POGLUT1: variants seen among roughly 807,000 people sequenced by gnomAD.
POGLUT1 encodes protein O-glucosyltransferase 1.
In POGLUT1, 32 loss-of-function variants were observed where a neutral mutation model predicts 61.3. The ratio of observed to expected loss-of-function variants is 0.52; its 90% CI spans 0.39 to 0.70. POGLUT1 has a LOEUF of 0.70. Among genes scored for constraint, POGLUT1 ranks in the 30% least tolerant of loss-of-function variants. POGLUT1 has a pLI of 0.00. For missense variants in POGLUT1, 411 were observed against 469.8 expected, an observed-to-expected ratio of 0.87 and a Z score of 1.16; for synonymous variants, 158 against 158.2, an observed-to-expected ratio of 1.00 and a Z score of 0.01.
At chr3:119,490,818 C>A in intron 9 of POGLUT1, 100 bp downstream of exon 9, 1 of 1,017,842 alleles carries the variant, frequency 9.8e-7, no homozygotes, top group Non-Finnish European at 1.4e-6. Context: ...GACATTTAGT[C>A]CTACGATTTT....
At chr3:119,488,066 GAA>G (rs775339379) in intron 7 of POGLUT1, 4 of 152,188 alleles carry the variant, frequency 2.6e-5, no homozygotes, top group Non-Finnish European at 4.4e-5. Context: ...ATGCTATGAG[GAA>G]AAGCTTTAGA....
At chr3:119,479,804 TG>T (rs1340647773) in intron 4 of POGLUT1, 6 of 752,092 alleles carry the variant, frequency 8.0e-6, no homozygotes, top group African/African-American at 1.8e-5. Context: ...AAACAGAATT[TG>T]GGGGAACTGA....
chr3:119,485,279 A>G (rs1240192343), intron 5 of POGLUT1, 49 bp from the exon 6 acceptor site: 3 of 1,121,212 alleles, frequency 2.7e-6, no homozygotes, highest in East Asian at 2.4e-5. Context: ...GCACATTCTT[A>G]TATAGTTGAA....
intron 8 of POGLUT1, 81 bp downstream of exon 8, chr3:119,489,068 TA>T: frequency 2.7e-6 from 2 of 739,020 alleles, no homozygotes; most frequent in Non-Finnish European, 4.7e-6. Context: ...AACTTTAATA[TA>T]AAGGCCCAGC....
intron 3 of POGLUT1, among the ~76,000 whole-genome samples, chr3:119,474,753 C>A (rs920610605): frequency 6.6e-6 from 1 of 152,078 alleles, no homozygotes; most frequent in Non-Finnish European, 1.5e-5. Context: ...GCAGGAAAAT[C>A]GCTTGAACCC....
Position 119,486,835 on chromosome 3 carries a change from C to G in POGLUT1, c.641C>G (p.Thr214Arg). The G allele has an allele frequency of 2.5e-6, 4 of 1,605,548 alleles. No homozygotes were observed. Among genetic ancestry groups the G allele is most frequent in the Non-Finnish European group, 3.4e-6 (4 of 1,172,188 alleles). The change falls in exon 7 of 11, where the codon ACA becomes AGA. Residue 214 changes from threonine to arginine, a missense_variant and splice_region_variant. Transcript: ENST00000295588. Reference protein sequence around the residue: ...NSTAYFRGSRTSPERDPLILL... With the variant: ...NSTAYFRGSRRSPERDPLILL... ...TATGTCACGTGTTTCTTTTATAGGACAAGTCCAGAACGAGATCCTCTCATT... is the reference window on the plus strand; with the variant it reads ...TATGTCACGTGTTTCTTTTATAGGAGAAGTCCAGAACGAGATCCTCTCATT...
chr3:119,490,455 T>A lies in POGLUT1; in HGVS notation c.798-96T>A. 4 of 1,036,554 alleles carry A rather than the reference T, an allele frequency of 3.9e-6. No homozygotes were observed. In the Admixed American group the frequency reaches 7.8e-5, roughly 20 times the overall value. The allele number at this position is 1,036,554 out of a possible 1,614,324, so 64.2% of individuals were successfully genotyped here. On this transcript the variant is annotated intron_variant, in intron 8 of 10. Coordinates refer to ENST00000295588, the MANE Select transcript of POGLUT1 (RefSeq NM_152305.3). ...GTGGAAAGAGAATGGAGAGGAATCA[T>A]AAAAGGAAAGAAGGGGAGGGGAGAA... is the stretch of plus-strand genomic sequence containing the variant.
At chr3:119,489,319 T>C (rs927850987) in intron 8 of POGLUT1, 1 of 171,212 alleles carries the variant, frequency 5.8e-6, no homozygotes, top group African/African-American at 2.4e-5. Flanking sequence ...ATTATCCTGG[T>C]GTGCTGGCAT....
rs755609783 is a variant in POGLUT1, at chr3:119,490,546, C to T, written c.798-5C>T. 2.5e-6 allele frequency: 4 copies of T among 1,612,552 alleles called. No individual in the cohort carries two copies. The highest frequency in any genetic ancestry group is 1.1e-5 in the South Asian group (1 of 90,748). ...ATCAAATGTATTTTGTTCTTTTTTC[C>T]CCAGGTATCTGTTTAATTTTCGAGG... On this transcript the variant is annotated splice_region_variant and splice_polypyrimidine_tract_variant and intron_variant, in intron 8 of 10. Coordinates refer to ENST00000295588, the MANE Select transcript of POGLUT1 (RefSeq NM_152305.3).
At chr3:119,469,386 C>G in intron 1 of POGLUT1, 1 of 571,606 alleles carries the variant, frequency 1.7e-6, no homozygotes, top group Non-Finnish European at 3.1e-6. Context: ...TGCTTGGCTA[C>G]TCTGGACCTG....
intron 5 of POGLUT1, among the ~76,000 whole-genome samples, chr3:119,480,448 A>G (rs1175355225): frequency 6.6e-6 from 1 of 151,788 alleles, no homozygotes; most frequent in Admixed American, 6.6e-5. Flanking sequence ...GGGTGTCTCC[A>G]TGTTGGTCAG....
At chr3:119,476,135 A>C (rs190855418) in intron 3 of POGLUT1, among the ~76,000 whole-genome samples, 64 of 152,278 alleles carry the variant, frequency 4.2e-4, no homozygotes, top group African/African-American at 1.4e-3. Flanking sequence ...CTTCAGCCTG[A>C]GTGGCAGAGC....
At chr3:119,486,465 G>T (rs2081664971) in intron 6 of POGLUT1, among the ~76,000 whole-genome samples, 1 of 152,130 alleles carries the variant, frequency 6.6e-6, no homozygotes, top group Non-Finnish European at 1.5e-5. Context: ...AGCTGTTTTA[G>T]TGAGTCGTGA....
rs186432032 is a variant in POGLUT1, at chr3:119,494,615, C to T, written c.*2177C>T. 4.6e-4 allele frequency: 70 copies of T among 152,804 alleles called. No individual in the cohort carries two copies. The highest frequency in any genetic ancestry group is 1.6e-3 in the African/African-American group (65 of 41,588). 9.5% of individuals were successfully genotyped at this position (152,804 alleles called of 1,614,324 possible). On this transcript the variant is annotated 3_prime_UTR_variant, in exon 11 of 11. Coordinates refer to ENST00000295588, the MANE Select transcript of POGLUT1 (RefSeq NM_152305.3). Reference sequence around the variant, plus strand: ...TTGTTATTACTAGTTCAGTCCCAAACTTACCCTTTCCTTTTCAGAGAGCTA... The same window carrying T: ...TTGTTATTACTAGTTCAGTCCCAAATTTACCCTTTCCTTTTCAGAGAGCTA...
At chr3:119,489,098 C>T (rs1282847288) in intron 8 of POGLUT1, 111 bp downstream of exon 8, 6 of 571,370 alleles carry the variant, frequency 1.1e-5, no homozygotes, top group Non-Finnish European at 1.9e-5. Context: ...ATGAAAGTTG[C>T]ATTAATTCAT....
In POGLUT1 at chr3:119,490,740, CAG is replaced by C. The variant is rs752723700; in HGVS notation, c.965+25_965+26del. The C allele has an allele frequency of 4.7e-5, 75 of 1,604,652 alleles. No homozygotes were observed. The Admixed American group carries it at 8.2e-4, about 18-fold the overall frequency. ...TCCAGTAAGCAGTTATCCCCCAATG[CAG>C]AGTTTCTAAAGACCCTTCCAATCTG... On this transcript the variant is annotated intron_variant, in intron 9 of 10. Coordinates refer to ENST00000295588, the MANE Select transcript of POGLUT1 (RefSeq NM_152305.3).
Position 119,489,144 on chromosome 3 carries a change from C to T in POGLUT1, c.797+157C>T, listed in dbSNP as rs72970358. 13,284 of 480,988 alleles carry T rather than the reference C, an allele frequency of 0.028. 1,069 individuals are homozygous for T. The highest frequency in any genetic ancestry group is 0.19 in the African/African-American group (9,882 of 52,254). 29.8% of individuals were successfully genotyped at this position (480,988 alleles called of 1,614,324 possible). ...TTTCCTCAGGGCCTAAATGCACTGA[C>T]CTGAGTTCTGTGGCGACTGTAGAGA... On this transcript the variant is annotated intron_variant, in intron 8 of 10. Transcript: ENST00000295588.
chr3:119,470,997 C>T (rs959425192), intron 2 of POGLUT1, among the ~76,000 whole-genome samples: 6 of 152,068 alleles, frequency 3.9e-5, no homozygotes, highest in African/African-American at 9.7e-5. Context: ...GCCAGGAGGA[C>T]TGAAGTGACT....
chr3:119,471,338 G>A lies in POGLUT1; in HGVS notation c.206G>A (p.Arg69Gln), dbSNP rs779712185. ...GVIEEDLTPF[R>Q]GGISRKMMAE... ...ATAGAAGAGGATCTAACTCCTTTCCGAGGAGGCATCTCCAGGAAGATGATG... is the reference window on the plus strand; with the variant it reads ...ATAGAAGAGGATCTAACTCCTTTCCAAGGAGGCATCTCCAGGAAGATGATG... Residue 69 changes from arginine (R) to glutamine (Q), a missense_variant, in exon 3 of 11, where the codon CGA becomes CAA. By Grantham distance (43) the Arg-to-Gln change is conservative. Transcript: ENST00000295588. The A allele has an allele frequency of 7.4e-6, 12 of 1,613,882 alleles. No individual in the cohort carries two copies. The highest frequency in any genetic ancestry group is 1.6e-4 in the Middle Eastern group (1 of 6,084).
Sources: allele counts gnomAD v4.1 joint callset (sites outside exome capture counted in the v4.1 genomes callset), GRCh38; gene constraint gnomAD v4.1.1; transcripts MANE v1.5; gene names NCBI Gene and HGNC (gene_info 2026-07-23, HGNC 2026-07-21).